MOCS1: variants seen among roughly 807,000 people sequenced by gnomAD.
The protein encoded by MOCS1 is molybdenum cofactor biosynthesis protein 1.
A neutral mutation model predicts 57.6 loss-of-function variants in MOCS1; 39 were observed. The ratio of observed to expected loss-of-function variants is 0.68; its 90% confidence interval spans 0.52 to 0.88. MOCS1 has a LOEUF of 0.88. Among genes scored for constraint, MOCS1 ranks in the 40% least tolerant of loss-of-function variants. MOCS1 has a pLI of 0.00. For missense variants in MOCS1, 795 were observed against 831.1 expected (o/e 0.96, Z 0.53); for synonymous variants, 334 against 335.7 (o/e 1.00, Z 0.05).
intron 1 of MOCS1, 51 bp downstream of exon 1, chr6:39,934,244 C>T (rs771751168): frequency 6.7e-7 from 1 of 1,490,792 alleles, no homozygotes; most frequent in East Asian, 2.4e-5. Flanking sequence ...GGCAGTGTGC[C>T]GGGGCCACTC....
chr6:39,907,148 CTA>C, intron 10 of MOCS1, 31 bp from the exon 11 acceptor site: 2 of 1,588,998 alleles, frequency 1.3e-6, no homozygotes, highest in Admixed American at 1.7e-5. Context: ...AGAAGAAACA[CTA>C]AGTCCAAAAG....
chr6:39,909,396 C>T (rs1383860182), intron 9 of MOCS1, among the ~76,000 whole-genome samples: 2 of 151,960 alleles, frequency 1.3e-5, no homozygotes, highest in South Asian at 4.2e-4. Context: ...CTGAAACAAA[C>T]GCGCTTGACA....
intron 10 of MOCS1, 50 bp from the exon 11 acceptor site, chr6:39,907,167 C>A (rs1392987205): frequency 1.9e-6 from 3 of 1,550,892 alleles, no homozygotes; most frequent in East Asian, 2.3e-5. Context: ...AAAGGCAATT[C>A]TTTTTCCCAC....
At chr6:39,910,730 G>A (rs949641474) in intron 8 of MOCS1, among the ~76,000 whole-genome samples, 2 of 152,174 alleles carry the variant, frequency 1.3e-5, no homozygotes, top group Non-Finnish European at 2.9e-5. Context: ...CAGCGTGCCT[G>A]TTATTCCTCA....
intron 3 of MOCS1, among the ~76,000 whole-genome samples, chr6:39,922,670 A>G (rs1315975017): frequency 6.6e-6 from 1 of 152,190 alleles, no homozygotes; most frequent in East Asian, 1.9e-4. Flanking sequence ...AGGGGTTGGC[A>G]GAGGGAGCCA....
Position 39,904,967 on chromosome 6 carries a change from G to GT in MOCS1, c.*1389dup, listed in dbSNP as rs144859841. On this transcript the variant is annotated 3_prime_UTR_variant, in exon 11 of 11. Transcript: ENST00000340692. ...TGTACCAGCTCTGTGAGAACCAATT[G>GT]TTTACATTTTCAGAAATTTTGCAAG... 2,634 of 454,026 alleles carry GT rather than the reference G, an allele frequency of 5.8e-3. 45 individuals are homozygous for GT. Among genetic ancestry groups the GT allele is most frequent in the African/African-American group, 0.043 (2,165 of 50,058 alleles). The allele number at this position is 454,026 out of a possible 1,614,324, so 28.1% of individuals were successfully genotyped here.
chr6:39,922,519 C>T (rs1001606536), intron 3 of MOCS1, among the ~76,000 whole-genome samples: 17 of 152,124 alleles, frequency 1.1e-4, no homozygotes, highest in Non-Finnish European at 7.3e-5. Context: ...GACACCCATG[C>T]TCTATGGGAC....
intron 8 of MOCS1, 35 bp downstream of exon 8, chr6:39,912,229 T>G (rs1392852081): frequency 6.8e-7 from 1 of 1,471,608 alleles, no homozygotes; most frequent in East Asian, 2.3e-5. Flanking sequence ...AACACAGAGG[T>G]GGCAAGGGGT....
At chr6:39,934,261 CG>C in intron 1 of MOCS1, 33 bp downstream of exon 1, 1 of 1,517,558 alleles carries the variant, frequency 6.6e-7, no homozygotes, top group Non-Finnish European at 8.8e-7. Context: ...ACTCCTGCCC[CG>C]GGAAGCTGTG....
intron 1 of MOCS1, 116 bp from the exon 2 acceptor site, chr6:39,927,571 T>C (rs913504888): frequency 6.2e-7 from 1 of 1,609,148 alleles, no homozygotes; most frequent in African/African-American, 1.3e-5. Flanking sequence ...CTTCCAACTC[T>C]TCCACATGTT....
chr6:39,907,920 A>C (rs554044777), intron 10 of MOCS1, among the ~76,000 whole-genome samples: 26 of 152,210 alleles, frequency 1.7e-4, no homozygotes, highest in Non-Finnish European at 3.1e-4. Flanking sequence ...GTTACTCAAT[A>C]TCTCTGAAAG....
At chr6:39,913,184 A>G in intron 6 of MOCS1, 133 bp downstream of exon 6, 1 of 918,810 alleles carries the variant, frequency 1.1e-6, no homozygotes, top group Non-Finnish European at 1.8e-6. Context: ...GGGCTCCGAG[A>G]AGCCACCAAC....
rs3008816 is a variant in MOCS1 at position 39,904,464 on chromosome 6, C to G, written c.*1893G>C. 0.076 allele frequency: 34,499 copies of G among 454,542 alleles called. 1,685 individuals carry two copies. Among genetic ancestry groups the G allele is most frequent in the Middle Eastern group, 0.12 (175 of 1,472 alleles). The allele number at this position is 454,542 out of a possible 1,614,324, so 28.2% of individuals were successfully genotyped here. A position where few individuals can be genotyped will look rare whatever the true frequency, so the allele number is the denominator to read the frequency against. On this transcript the variant is annotated 3_prime_UTR_variant, in exon 11 of 11. Coordinates refer to ENST00000340692, the MANE Select transcript of MOCS1 (RefSeq NM_001358530.2). Reference sequence around the variant, plus strand: ...TGGTCTTGCTTTCTTCATGCCCTCCCCACTGCTCCTGCCACCTTTAGATAA... The same window carrying G: ...TGGTCTTGCTTTCTTCATGCCCTCCGCACTGCTCCTGCCACCTTTAGATAA...
chr6:39,911,734 GCACTCT>G (rs764782397), intron 8 of MOCS1, among the ~76,000 whole-genome samples: 36 of 151,882 alleles, frequency 2.4e-4, no homozygotes, highest in South Asian at 1.5e-3. Context: ...TTGATGCCCT[GCACTCT>G]CACAGGCTAT....
rs1381491965 is a variant in MOCS1 at position 39,904,517 on chromosome 6, G to A, written c.*1840C>T. ...TTCTCTAGCTAATTTTGTGGCCAAT[G>A]TAAAATTCGTCATCAACCTAACAAA... On this transcript the variant is annotated 3_prime_UTR_variant, in exon 11 of 11. Transcript: ENST00000340692. The A allele has an allele frequency of 6.6e-6, 3 of 454,218 alleles. No homozygotes were observed. Among genetic ancestry groups the A allele is most frequent in the African/African-American group, 4.0e-5 (2 of 50,000 alleles). 28.1% of individuals were successfully genotyped at this position (454,218 alleles called of 1,614,324 possible).
chr6:39,912,252 G>T lies in MOCS1; in HGVS notation c.981+12C>A. 6.3e-7 allele frequency: 1 copy of T among 1,593,434 alleles called. No homozygotes were observed. Among genetic ancestry groups the T allele is most frequent in the Non-Finnish European group, 8.6e-7 (1 of 1,162,734 alleles). ...GGTGGCAAGGGGTCCCTGTGGAGGA[G>T]GGGATGCTCACCTTGAGGTTCCCAT... On this transcript the variant is annotated intron_variant, in intron 8 of 10. Coordinates refer to ENST00000340692, the MANE Select transcript of MOCS1 (RefSeq NM_001358530.2).
chr6:39,910,821 C>T (rs1158204281), intron 8 of MOCS1, among the ~76,000 whole-genome samples: 1 of 152,164 alleles, frequency 6.6e-6, no homozygotes, highest in Non-Finnish European at 1.5e-5. Flanking sequence ...TGGTACCACC[C>T]TCCCCTCCCG....
At chr6:39,922,854 G>T (rs1768051945) in intron 3 of MOCS1, among the ~76,000 whole-genome samples, 1 of 152,180 alleles carries the variant, frequency 6.6e-6, no homozygotes, top group Non-Finnish European at 1.5e-5. Flanking sequence ...ACCCTCACGT[G>T]AGAGGGTAGG....
In MOCS1 at chr6:39,906,115, C is replaced by A. The variant is rs907843384; in HGVS notation, c.*242G>T. On this transcript the variant is annotated 3_prime_UTR_variant, in exon 11 of 11. Coordinates refer to ENST00000340692, the MANE Select transcript of MOCS1 (RefSeq NM_001358530.2). Reference sequence around the variant, plus strand: ...CTTGTTGCAGTCCCGCTCCCACGACCTTAGTGTCCTGGAAGGCTTAAGGGC... The same window carrying A: ...CTTGTTGCAGTCCCGCTCCCACGACATTAGTGTCCTGGAAGGCTTAAGGGC... The A allele has an allele frequency of 3.0e-6, 2 of 676,756 alleles. No individual in the cohort carries two copies. The highest frequency in any genetic ancestry group is 5.4e-6 in the Non-Finnish European group (2 of 371,548). The allele number at this position is 676,756 out of a possible 1,614,324, so 41.9% of individuals were successfully genotyped here.
Sources: allele counts gnomAD v4.1 joint callset (sites outside exome capture counted in the v4.1 genomes callset), GRCh38; gene constraint gnomAD v4.1.1; transcripts MANE v1.5; gene names NCBI Gene and HGNC (gene_info 2026-07-23, HGNC 2026-07-21).